SNX30: variants seen among roughly 807,000 people sequenced by gnomAD.
SNX30 encodes sorting nexin family member 30, also known as sorting nexin-30.
In SNX30, 24 loss-of-function variants were observed where a neutral mutation model predicts 46.4. The observed-to-expected ratio is 0.52, with a 90% CI of 0.37 to 0.73. The LOEUF (loss-of-function observed/expected upper bound fraction) is 0.73. Among genes scored for constraint, SNX30 ranks in the 30% least tolerant of loss-of-function variants. SNX30 has a pLI of 0.00. For missense variants in SNX30, 533 were observed against 555.7 expected (o/e 0.96, Z 0.41); for synonymous variants, 189 against 211.5 (o/e 0.89, Z 0.92).
chr9:112,864,416 A>C lies in SNX30; in HGVS notation c.1254+17A>C. On this transcript the variant is annotated intron_variant, in intron 8 of 8. Coordinates refer to ENST00000374232, the MANE Select transcript of SNX30 (RefSeq NM_001012994.2). ...TATGAGAAGGTAATGAGTGTGCCCA[A>C]CAAGACTGGTTTCTAATGGCCAGAG... The C allele has an allele frequency of 6.2e-7, 1 of 1,613,926 alleles. No individual in the cohort carries two copies. Among genetic ancestry groups the C allele is most frequent in the Non-Finnish European group, 8.5e-7 (1 of 1,179,944 alleles).
chr9:112,868,756 A>T (rs777412863), intron 8 of SNX30, 28 bp from the exon 9 acceptor site: 4 of 1,613,704 alleles, frequency 2.5e-6, no homozygotes, highest in Non-Finnish European at 3.4e-6. Flanking sequence ...CTCAAAGCTG[A>T]TACTGTGTGT....
chr9:112,787,470 G>A (rs1206602131), intron 1 of SNX30, among the ~76,000 whole-genome samples: 6 of 152,156 alleles, frequency 3.9e-5, no homozygotes, highest in Admixed American at 1.3e-4. Flanking sequence ...CATTAAATGT[G>A]GAAGTACTAT....
At chr9:112,772,169 A>C (rs1839662145) in intron 1 of SNX30, among the ~76,000 whole-genome samples, 1 of 152,174 alleles carries the variant, frequency 6.6e-6, no homozygotes, top group Admixed American at 6.5e-5. Context: ...CCTTTAGAAC[A>C]ATCCTTATTC....
intron 1 of SNX30, among the ~76,000 whole-genome samples, chr9:112,757,979 G>A (rs1334578479): frequency 2.0e-5 from 3 of 152,088 alleles, no homozygotes; most frequent in African/African-American, 4.8e-5. Flanking sequence ...CAGACCCTCC[G>A]TCTGCACAGT....
At chr9:112,764,414 T>G (rs547109744) in intron 1 of SNX30, among the ~76,000 whole-genome samples, 1 of 152,266 alleles carries the variant, frequency 6.6e-6, no homozygotes, top group East Asian at 1.9e-4. Context: ...GGGGTCTCAC[T>G]CTTTTGGCCA....
At chr9:112,761,261 C>T (rs1311418871) in intron 1 of SNX30, among the ~76,000 whole-genome samples, 3 of 152,200 alleles carry the variant, frequency 2.0e-5, no homozygotes, top group Non-Finnish European at 4.4e-5. Context: ...CTCCTGTGTT[C>T]AAGCGATTCT....
At chr9:112,850,365 CT>C (rs1314062216) in intron 6 of SNX30, among the ~76,000 whole-genome samples, 48 of 152,308 alleles carry the variant, frequency 3.2e-4, no homozygotes, top group Middle Eastern at 3.4e-3. Flanking sequence ...GAGTAGAGGA[CT>C]AGTAAGTGGC....
chr9:112,853,122 C>T (rs1483188985), intron 7 of SNX30, among the ~76,000 whole-genome samples: 1 of 152,190 alleles, frequency 6.6e-6, no homozygotes, highest in Non-Finnish European at 1.5e-5. Context: ...GCTCTCCATC[C>T]TGTGCATGTT....
intron 4 of SNX30, among the ~76,000 whole-genome samples, chr9:112,834,680 A>G (rs1203511810): frequency 6.6e-6 from 1 of 151,934 alleles, no homozygotes; most frequent in African/African-American, 2.4e-5. Flanking sequence ...AAGGCTGGGG[A>G]AGATTCGAGT....
chr9:112,860,006 C>T (rs778652509), intron 7 of SNX30, among the ~76,000 whole-genome samples: 1 of 151,956 alleles, frequency 6.6e-6, no homozygotes, highest in Non-Finnish European at 1.5e-5. Context: ...AGTGCAGTGG[C>T]GTGATCTCGG....
intron 1 of SNX30, among the ~76,000 whole-genome samples, chr9:112,761,103 TG>T (rs756088589): frequency 2.0e-5 from 3 of 152,166 alleles, no homozygotes; most frequent in Non-Finnish European, 4.4e-5. Flanking sequence ...AGTGCTGTGA[TG>T]TGGAGGTTAG....
rs796986603 is a variant in SNX30, at chr9:112,865,624, C to CATATATATATAT, written c.1254+1252_1254+1263dup. 3.1e-3 allele frequency among the ~76,000 whole-genome samples: 246 copies of CATATATATATAT among 78,898 alleles called. 1 individual carries two copies. Among genetic ancestry groups the CATATATATATAT allele is most frequent in the African/African-American group, 7.2e-3 (126 of 17,454 alleles). 51.8% of individuals were successfully genotyped at this position (78,898 alleles called of 152,430 possible). ...ACAGAGTTTTTTGATCCTGTCACGC[C>CATATATATATAT]ATATATATATATATATATATATATA... On this transcript the variant is annotated intron_variant, in intron 8 of 8. Coordinates refer to ENST00000374232, the MANE Select transcript of SNX30 (RefSeq NM_001012994.2).
At chr9:112,793,014 T>G (rs952355185) in intron 1 of SNX30, among the ~76,000 whole-genome samples, 8 of 152,012 alleles carry the variant, frequency 5.3e-5, no homozygotes, top group African/African-American at 1.9e-4. Flanking sequence ...TGTGTTTTGG[T>G]TTTCTTAGGT....
chr9:112,795,385 A>G (rs1037473774), intron 1 of SNX30, among the ~76,000 whole-genome samples: 7 of 152,208 alleles, frequency 4.6e-5, no homozygotes, highest in African/African-American at 1.7e-4. Context: ...AGTCTGGCTC[A>G]GGTTAGCCTC....
intron 1 of SNX30, 141 bp downstream of exon 1, chr9:112,751,298 C>T: frequency 8.9e-7 from 1 of 1,120,628 alleles, no homozygotes; most frequent in Non-Finnish European, 1.2e-6. Flanking sequence ...GGCCCCGGAG[C>T]CCTCGGCGAA....
intron 1 of SNX30, among the ~76,000 whole-genome samples, chr9:112,781,933 C>A (rs112200670): frequency 0.032 from 4,873 of 151,976 alleles, 258 homozygotes; most frequent in African/African-American, 0.11. Flanking sequence ...TGAGCCACTG[C>A]GCCCCGCCCA....
At chr9:112,879,598 C>G, downstream of SNX30, 2 of 602,208 alleles carry the variant, frequency 3.3e-6, no homozygotes. Flanking sequence ...TCCCCATCCA[C>G]CAGGGATCCC....
intron 1 of SNX30, among the ~76,000 whole-genome samples, chr9:112,787,947 C>T (rs979507588): frequency 1.3e-5 from 2 of 152,008 alleles, no homozygotes; most frequent in African/African-American, 4.8e-5. Flanking sequence ...CAGACGCATG[C>T]CACCACACCT....
intron 7 of SNX30, among the ~76,000 whole-genome samples, chr9:112,857,626 T>C (rs10481638): frequency 0.8 from 121,428 of 152,086 alleles, 48,633 homozygotes; most frequent in South Asian, 0.87. Flanking sequence ...CTTTGGGGAT[T>C]TTCCTAACCT....
Sources: allele counts gnomAD v4.1 joint callset (sites outside exome capture counted in the v4.1 genomes callset), GRCh38; gene constraint gnomAD v4.1.1; transcripts MANE v1.5; gene names NCBI Gene and HGNC (gene_info 2026-07-23, HGNC 2026-07-21).